RANBP2: variants seen among roughly 807,000 people sequenced by gnomAD.
RANBP2 encodes E3 SUMO-protein ligase RanBP2.
A neutral mutation model predicts 303.6 loss-of-function variants in RANBP2; 57 were observed. The observed-to-expected ratio is 0.19, with a 90% CI of 0.15 to 0.23. The LOEUF is 0.23. RANBP2 is among the 10% of genes least tolerant of loss of function. The probability of loss-of-function intolerance (pLI) is 1.00; values close to 1 mark genes in which losing one functional copy is unlikely to be tolerated. For missense variants in RANBP2, 3,138 were observed against 3,780.8 expected (o/e 0.83, Z 4.46); for synonymous variants, 1,167 against 1,301.5 (o/e 0.90, Z 2.23).
the RANBP2 span, among the ~76,000 whole-genome samples, chr2:109,778,247 A>G: frequency 8.1e-5 from 11 of 135,434 alleles, no homozygotes; most frequent in Admixed American, 6.3e-4. Context: ...CTTCAGCTCC[A>G]CTGTGGGGTA....
chr2:108,896,823 G>A, the RANBP2 span: 1 of 1,352,944 alleles, frequency 7.4e-7, no homozygotes, highest in Middle Eastern at 2.4e-4. Flanking sequence ...TTGATTCTTG[G>A]CAGTCTTTTG....
chr2:108,829,743 C>T, the RANBP2 span, among the ~76,000 whole-genome samples: 5 of 152,072 alleles, frequency 3.3e-5, no homozygotes, highest in African/African-American at 7.2e-5. Context: ...GAGACTGTGT[C>T]AATACATACA....
chr2:109,246,048 C>T, the RANBP2 span, among the ~76,000 whole-genome samples: 10 of 152,222 alleles, frequency 6.6e-5, no homozygotes. Flanking sequence ...CACCTGGATT[C>T]ATACTTCAAT....
chr2:109,151,611 A>G, the RANBP2 span, among the ~76,000 whole-genome samples: 1 of 152,242 alleles, frequency 6.6e-6, no homozygotes, highest in Non-Finnish European at 1.5e-5. Context: ...CCTTTCATCC[A>G]TGCTGAGCCT....
At chr2:109,300,192 T>C in the RANBP2 span, among the ~76,000 whole-genome samples, 1 of 151,986 alleles carries the variant, frequency 6.6e-6, no homozygotes, top group African/African-American at 2.4e-5. Flanking sequence ...CGAGAGGGCA[T>C]CCTGAAATTT....
chr2:109,550,323 T>G, the RANBP2 span, among the ~76,000 whole-genome samples: 1 of 148,498 alleles, frequency 6.7e-6, no homozygotes, highest in Non-Finnish European at 1.5e-5. Flanking sequence ...TTTTTTTTTT[T>G]GTTTTTTGAG....
At chr2:109,067,329 T>G in the RANBP2 span, among the ~76,000 whole-genome samples, 2 of 152,224 alleles carry the variant, frequency 1.3e-5, no homozygotes, top group African/African-American at 4.8e-5. Context: ...CCTTGAGGAA[T>G]TCAAGCAATT....
At chr2:109,405,259 T>C in the RANBP2 span, among the ~76,000 whole-genome samples, 1 of 152,184 alleles carries the variant, frequency 6.6e-6, no homozygotes, top group Admixed American at 6.5e-5. Context: ...GCAAACCTGC[T>C]TCCCCTTCTG....
At chr2:109,261,630 T>TGTTCAG in the RANBP2 span, among the ~76,000 whole-genome samples, 1 of 152,194 alleles carries the variant, frequency 6.6e-6, no homozygotes, top group African/African-American at 2.4e-5. Context: ...TCAGTGTTCA[T>TGTTCAG]TGAGACTCTG....
intron 2 of RANBP2, among the ~76,000 whole-genome samples, chr2:108,729,790 G>A (rs1695024188): frequency 6.8e-6 from 1 of 146,722 alleles, no homozygotes; most frequent in South Asian, 2.1e-4. Flanking sequence ...CTCCATCTTT[G>A]CTCACTGTAA....
chr2:109,578,505 C>T, the RANBP2 span, among the ~76,000 whole-genome samples: 4 of 146,538 alleles, frequency 2.7e-5, no homozygotes, highest in African/African-American at 1.0e-4. Context: ...CAGGCTCATG[C>T]CTGTAATCCC....
chr2:108,797,905 A>C, the RANBP2 span, among the ~76,000 whole-genome samples: 1 of 151,960 alleles, frequency 6.6e-6, no homozygotes, highest in East Asian at 1.9e-4. Flanking sequence ...TGCATTGAGA[A>C]TCTAGTACAG....
At chr2:109,215,144 C>G in the RANBP2 span, among the ~76,000 whole-genome samples, 1 of 152,204 alleles carries the variant, frequency 6.6e-6, no homozygotes, top group Non-Finnish European at 1.5e-5. Context: ...ATCTACGTGT[C>G]TTTCTGTGTT....
At chr2:109,059,575 CAAAA>C in the RANBP2 span, among the ~76,000 whole-genome samples, 1 of 133,720 alleles carries the variant, frequency 7.5e-6, no homozygotes, top group Non-Finnish European at 1.6e-5. Context: ...GGCTCCGTCT[CAAAA>C]AAAAAAAAAG....
the RANBP2 span, among the ~76,000 whole-genome samples, chr2:109,679,090 T>C: frequency 6.6e-6 from 1 of 152,180 alleles, no homozygotes; most frequent in Non-Finnish European, 1.5e-5. Context: ...ATCACAGCCT[T>C]CCTGCACTTA....
the RANBP2 span, among the ~76,000 whole-genome samples, chr2:109,390,292 A>G: frequency 0.12 from 18,745 of 152,198 alleles, 1,394 homozygotes; most frequent in East Asian, 0.25. Flanking sequence ...AAATTATCAC[A>G]GGGTCCTTAT....
the RANBP2 span, among the ~76,000 whole-genome samples, chr2:108,958,548 C>T: frequency 6.6e-6 from 1 of 152,124 alleles, no homozygotes; most frequent in Non-Finnish European, 1.5e-5. Flanking sequence ...GGACCCAGGA[C>T]GCACAGTAGA....
At chr2:108,729,549 A>T (rs1695001283) in intron 2 of RANBP2, among the ~76,000 whole-genome samples, 2 of 152,350 alleles carry the variant, frequency 1.3e-5, no homozygotes, top group South Asian at 4.1e-4. Flanking sequence ...AATAGCAATG[A>T]ATAAAAAATT....
chr2:109,686,243 T>G, the RANBP2 span, among the ~76,000 whole-genome samples: 1 of 152,194 alleles, frequency 6.6e-6, no homozygotes, highest in East Asian at 1.9e-4. Context: ...CTGGAAGTTC[T>G]ACGGGAGGCT....
Sources: allele counts gnomAD v4.1 joint callset (sites outside exome capture counted in the v4.1 genomes callset), GRCh38; gene constraint gnomAD v4.1.1; transcripts MANE v1.5; gene names NCBI Gene and HGNC (gene_info 2026-07-23, HGNC 2026-07-21).